The following CRPPA variants were observed in gnomAD, a reference collection of about 807,000 sequenced individuals.
CRPPA encodes CDP-L-ribitol pyrophosphorylase A, also known as D-ribitol-5-phosphate cytidylyltransferase.
In CRPPA, 43 loss-of-function variants were observed where a neutral mutation model predicts 52.0. The observed-to-expected ratio is 0.83, with a 90% CI of 0.65 to 1.07. The LOEUF is 1.07. CRPPA is among the 50% of genes least tolerant of loss of function. The pLI is 0.00. For missense variants in CRPPA, 629 were observed against 551.7 expected, an observed-to-expected ratio of 1.14 and a Z score of -1.40; for synonymous variants, 250 against 203.5, an observed-to-expected ratio of 1.23 and a Z score of -1.94.
In CRPPA at chr7:16,278,245, AGTTTT is replaced by A; in HGVS notation, c.836-24_836-20del. 1 of 1,284,420 alleles carries A rather than the reference AGTTTT, an allele frequency of 7.8e-7. No homozygotes were observed. Among genetic ancestry groups the A allele is most frequent in the Non-Finnish European group, 1.1e-6 (1 of 918,316 alleles). The allele number at this position is 1,284,420 out of a possible 1,614,324, so 79.6% of individuals were successfully genotyped here. On this transcript the variant is annotated intron_variant, in intron 5 of 9. Transcript: ENST00000407010. ...ATTCTCTCTGAAATTAAAAAAAAAA[AGTTTT>A]AAGTTTCAAACAAAACATGTAACAA...
At chr7:16,364,675 C>G (rs1328956625) in intron 3 of CRPPA, among the ~76,000 whole-genome samples, 1 of 152,156 alleles carries the variant, frequency 6.6e-6, no homozygotes, top group Admixed American at 6.5e-5. Context: ...GTGGCCTAAG[C>G]ACCACAAAAC....
intron 9 of CRPPA, among the ~76,000 whole-genome samples, chr7:16,107,467 T>G (rs988604297): frequency 7.2e-5 from 11 of 152,038 alleles, no homozygotes; most frequent in African/African-American, 2.7e-4. Flanking sequence ...GGATGATATA[T>G]TCAAAGTCTT....
At chr7:16,292,392 G>A (rs1310495293) in intron 5 of CRPPA, among the ~76,000 whole-genome samples, 1 of 151,944 alleles carries the variant, frequency 6.6e-6, no homozygotes, top group Non-Finnish European at 1.5e-5. Flanking sequence ...AGTGGAGGAA[G>A]TAAGAGAAGA....
At chr7:16,330,046 T>C (rs1054350052) in intron 3 of CRPPA, among the ~76,000 whole-genome samples, 1 of 152,216 alleles carries the variant, frequency 6.6e-6, no homozygotes, top group Non-Finnish European at 1.5e-5. Flanking sequence ...CTTGCTTTCT[T>C]GTAAGTGATA....
intron 3 of CRPPA, among the ~76,000 whole-genome samples, chr7:16,348,396 GA>G (rs1467272009): frequency 6.6e-6 from 1 of 152,178 alleles, no homozygotes; most frequent in Non-Finnish European, 1.5e-5. Flanking sequence ...CCTGAGAGTA[GA>G]GAAAGGGCTC....
chr7:16,387,068 T>TATACAC (rs1278856504), intron 2 of CRPPA, among the ~76,000 whole-genome samples: 10 of 68,754 alleles, frequency 1.5e-4, no homozygotes, highest in Admixed American at 4.4e-4. Context: ...TATATATATA[T>TATACAC]ATATATATAT....
intron 3 of CRPPA, among the ~76,000 whole-genome samples, chr7:16,351,303 A>T (rs1786145124): frequency 6.6e-6 from 1 of 152,192 alleles, no homozygotes; most frequent in African/African-American, 2.4e-5. Context: ...AAACCATAAA[A>T]ACCCTAGAGG....
chr7:16,382,119 G>A (rs1426374550), intron 2 of CRPPA, among the ~76,000 whole-genome samples: 6 of 152,098 alleles, frequency 3.9e-5, no homozygotes, highest in African/African-American at 1.2e-4. Context: ...TGATTTTGCA[G>A]TGGCTGGTAC....
At chr7:16,335,154 C>CAAAAAAAAAAAAAA (rs60632334) in intron 3 of CRPPA, among the ~76,000 whole-genome samples, 1 of 93,802 alleles carries the variant, frequency 1.1e-5, no homozygotes, top group Admixed American at 1.3e-4. Flanking sequence ...CCCATCTCTA[C>CAAAAAAAAAAAAAA]AAAAAAAAAA....
At chr7:16,106,670 G>GC (rs1782158996) in intron 9 of CRPPA, among the ~76,000 whole-genome samples, 1 of 152,176 alleles carries the variant, frequency 6.6e-6, no homozygotes, top group African/African-American at 2.4e-5. Flanking sequence ...TAGGCTAGAA[G>GC]AGGGGGCTGC....
At chr7:16,334,132 G>A (rs1465603780) in intron 3 of CRPPA, among the ~76,000 whole-genome samples, 1 of 152,040 alleles carries the variant, frequency 6.6e-6, no homozygotes, top group African/African-American at 2.4e-5. Context: ...CTGGCCAAGG[G>A]TGGCACCACA....
chr7:16,096,007 G>A (rs749559952), intron 9 of CRPPA, among the ~76,000 whole-genome samples: 2 of 152,060 alleles, frequency 1.3e-5, no homozygotes, highest in Non-Finnish European at 2.9e-5. Flanking sequence ...GAATGAAGAC[G>A]CCTTGGTGAA....
intron 2 of CRPPA, among the ~76,000 whole-genome samples, chr7:16,383,117 G>A (rs1459586103): frequency 6.6e-6 from 1 of 152,100 alleles, no homozygotes; most frequent in African/African-American, 2.4e-5. Flanking sequence ...CCCCATCTTT[G>A]TGGTTTTATC....
chr7:16,208,693 G>T (rs1455049073), intron 9 of CRPPA, among the ~76,000 whole-genome samples: 1 of 152,118 alleles, frequency 6.6e-6, no homozygotes, highest in East Asian at 1.9e-4. Context: ...AAATTTGGTA[G>T]AACAAGGTAG....
chr7:16,388,003 G>C (rs553266734), intron 2 of CRPPA, among the ~76,000 whole-genome samples: 5 of 152,280 alleles, frequency 3.3e-5, no homozygotes, highest in Admixed American at 3.3e-4. Flanking sequence ...TGTTGGGGGA[G>C]GCAAGGTCTT....
At chr7:16,121,816 A>C (rs1004639643) in intron 9 of CRPPA, among the ~76,000 whole-genome samples, 1 of 152,116 alleles carries the variant, frequency 6.6e-6, no homozygotes, top group African/African-American at 2.4e-5. Flanking sequence ...AAAAATAAAA[A>C]TTTAAACCAA....
intron 9 of CRPPA, among the ~76,000 whole-genome samples, chr7:16,160,124 C>T (rs1281730172): frequency 2.0e-5 from 3 of 152,066 alleles, no homozygotes; most frequent in Non-Finnish European, 4.4e-5. Context: ...GTTGCCTGTT[C>T]ACTCTGATGA....
At chr7:16,382,767 C>G (rs1787144976) in intron 2 of CRPPA, among the ~76,000 whole-genome samples, 1 of 152,122 alleles carries the variant, frequency 6.6e-6, no homozygotes, top group Non-Finnish European at 1.5e-5. Context: ...GATACCCTTT[C>G]TTCCAGTTGA....
intron 2 of CRPPA, among the ~76,000 whole-genome samples, chr7:16,397,856 G>C (rs564700803): frequency 1.3e-5 from 2 of 152,252 alleles, no homozygotes; most frequent in South Asian, 2.1e-4. Flanking sequence ...TAATCATCAC[G>C]TGATCAACAC....
Sources: gnomAD v4.1 joint callset for allele counts (sites outside exome capture counted in the v4.1 genomes callset) on GRCh38, gnomAD v4.1.1 for gene constraint, MANE v1.5 for transcripts, NCBI Gene and HGNC (gene_info 2026-07-23, HGNC 2026-07-21) for gene names.